The following ARHGEF18 variants were observed in gnomAD, a reference collection of about 807,000 sequenced individuals.
The protein encoded by ARHGEF18 is Rho/Rac guanine nucleotide exchange factor 18.
In ARHGEF18, 93 loss-of-function variants were observed where a neutral mutation model predicts 155.7. The observed-to-expected ratio is 0.60, with a 90% CI of 0.50 to 0.71. The LOEUF is 0.71. ARHGEF18 is among the 30% of genes least tolerant of loss of function. The probability of loss-of-function intolerance (pLI) is 0.00; values close to 1 mark genes in which losing one functional copy is unlikely to be tolerated. For missense variants in ARHGEF18, 1,593 were observed against 1,816.1 expected, an observed-to-expected ratio of 0.88 and a Z score of 2.23; for synonymous variants, 742 against 753.1, an observed-to-expected ratio of 0.99 and a Z score of 0.24.
Position 7,451,178 on chromosome 19 carries a change from G to C in ARHGEF18, c.1767G>C (p.Arg589=). The C allele has an allele frequency of 3.9e-6, 6 of 1,551,510 alleles. No homozygotes were observed. Among genetic ancestry groups the C allele is most frequent in the South Asian group, 1.1e-5 (1 of 89,150 alleles). ...TTGGCAACTTCTCCATCGTGCGGCG[G>C]CTTGGCGTGCAGGAGTGCATTCTCC... The part of the protein sequence containing the change: ...KKIGNFSIVR[R]LGVQECILLV... The change falls in exon 16 of 29, where the codon CGG becomes CGC. Residue 589 remains arginine (R), a synonymous_variant. Coordinates refer to ENST00000668164, the MANE Select transcript of ARHGEF18 (RefSeq NM_001367823.1).
intron 10 of ARHGEF18, among the ~76,000 whole-genome samples, chr19:7,438,350 C>G (rs893109174): frequency 6.6e-6 from 1 of 151,744 alleles, no homozygotes; most frequent in Admixed American, 6.6e-5. Context: ...ATCCTTCCAC[C>G]TCTACCTCCC....
At chr19:7,414,306 A>T (rs1490264322) in intron 10 of ARHGEF18, among the ~76,000 whole-genome samples, 1 of 152,178 alleles carries the variant, frequency 6.6e-6, no homozygotes, top group Non-Finnish European at 1.5e-5. Flanking sequence ...CAGGATGGGG[A>T]AATAGAACCT....
chr19:7,398,704 A>AATAAAG (rs112794982), intron 10 of ARHGEF18, among the ~76,000 whole-genome samples: 4,615 of 146,740 alleles, frequency 0.031, 86 homozygotes, highest in East Asian at 0.086. Flanking sequence ...AAAAAAAAAA[A>AATAAAG]AAATAAAGAA....
At chr19:7,451,361 A>G in intron 16 of ARHGEF18, 95 bp downstream of exon 16, 1 of 1,033,820 alleles carries the variant, frequency 9.7e-7, no homozygotes. Flanking sequence ...AAACTGAATA[A>G]ATTCCCTTTG....
intron 10 of ARHGEF18, among the ~76,000 whole-genome samples, chr19:7,437,649 T>TTTTTTTTTC (rs1568333185): frequency 6.9e-6 from 1 of 144,214 alleles, no homozygotes; most frequent in Non-Finnish European, 1.5e-5. Flanking sequence ...CTTTTTTTTT[T>TTTTTTTTTC]CTTTTTTTTT....
chr19:7,378,445 A>C lies in ARHGEF18; in HGVS notation c.593A>C (p.Asp198Ala). ...ECMEKDHVEP[D>A]HVLIVQQVLQ... is the part of the protein sequence containing the mutation. ...ATGGAAAAAGACCATGTGGAACCAG[A>C]TCACGTGTGAGTTTCTGCCTCGTGG... is the stretch of plus-strand genomic sequence containing the variant. The change falls in exon 6 of 29, where the codon GAT (aspartate) becomes GCT (alanine). Residue 198 changes from aspartate (D) to alanine (A), a missense_variant. Asp to Ala is a moderately radical substitution (Grantham distance 126). Coordinates refer to ENST00000668164, the MANE Select transcript of ARHGEF18 (RefSeq NM_001367823.1). 1 of 1,234,300 alleles carries C rather than the reference A, an allele frequency of 8.1e-7. No homozygotes were observed. 76.5% of individuals were successfully genotyped at this position (1,234,300 alleles called of 1,614,324 possible). A position where few individuals can be genotyped will look rare whatever the true frequency, so the allele number is the denominator to read the frequency against.
intron 20 of ARHGEF18, among the ~76,000 whole-genome samples, chr19:7,460,449 G>A (rs761038054): frequency 6.6e-6 from 1 of 152,044 alleles, no homozygotes; most frequent in Non-Finnish European, 1.5e-5. Context: ...GGGGTTCAGG[G>A]GCATTTCAGT....
chr19:7,447,195 A>G, intron 15 of ARHGEF18, 27 bp downstream of exon 15: 2 of 1,583,620 alleles, frequency 1.3e-6, no homozygotes, highest in South Asian at 1.1e-5. Context: ...TTTTTAATCA[A>G]AAACTTATAT....
chr19:7,414,254 CT>C (rs34730673), intron 10 of ARHGEF18, among the ~76,000 whole-genome samples: 83,944 of 151,854 alleles, frequency 0.55, 23,619 homozygotes, highest in Middle Eastern at 0.75. Flanking sequence ...AGAATCACCC[CT>C]GGTAGAGAAT....
Position 7,395,183 on chromosome 19 carries a change from T to C in ARHGEF18, c.967+11980T>C, listed in dbSNP as rs1390143949. ...GATCTGGGGGGGCCGGACGGAGGCA[T>C]CGGAGGCGGCTGCGAGAGTGGCAGA... On this transcript the variant is annotated intron_variant, in intron 10 of 28. Coordinates refer to ENST00000668164, the MANE Select transcript of ARHGEF18 (RefSeq NM_001367823.1). This position sits in a 1 kb window ranked among gnomAD's most constrained non-coding sequence, Gnocchi z 5.0. 1 of 986,062 alleles carries C rather than the reference T, an allele frequency of 1.0e-6. No homozygotes were observed. Among genetic ancestry groups the C allele is most frequent in the Non-Finnish European group, 1.2e-6 (1 of 830,586 alleles). 61.1% of individuals were successfully genotyped at this position (986,062 alleles called of 1,614,324 possible).
chr19:7,421,420 C>A (rs1000775474), intron 10 of ARHGEF18, among the ~76,000 whole-genome samples: 15 of 152,044 alleles, frequency 9.9e-5, no homozygotes, highest in African/African-American at 2.9e-4. Context: ...ACAACTGTAC[C>A]CCCCTCTTCT....
At chr19:7,362,932 AG>A (rs1202809211) in intron 2 of ARHGEF18, 27 bp downstream of exon 2, 1 of 1,234,382 alleles carries the variant, frequency 8.1e-7, no homozygotes, top group Non-Finnish European at 1.0e-6. Flanking sequence ...TGAAACGGGC[AG>A]GAGCTGATGA....
intron 16 of ARHGEF18, among the ~76,000 whole-genome samples, chr19:7,452,694 G>A (rs1040100759): frequency 1.3e-5 from 2 of 151,610 alleles, no homozygotes; most frequent in Non-Finnish European, 2.9e-5. Flanking sequence ...TTGAACTCCC[G>A]ACCTCAGGTG....
rs530536126 is a variant in ARHGEF18 at position 7,470,707 on chromosome 19, G to A, written c.*409G>A. 1 of 399,200 alleles carries A rather than the reference G, an allele frequency of 2.5e-6. No homozygotes were observed. Among genetic ancestry groups the A allele is most frequent in the Non-Finnish European group, 4.4e-6 (1 of 225,326 alleles). The allele number at this position is 399,200 out of a possible 1,614,324, so 24.7% of individuals were successfully genotyped here. A position where few individuals can be genotyped will look rare whatever the true frequency, so the allele number is the denominator to read the frequency against. ...ACAGGACAGACCTTGCTTTGAGAAG[G>A]AGCTGCCGGCCGGGGCCACGCTCCA... On this transcript the variant is annotated 3_prime_UTR_variant, in exon 29 of 29. Coordinates refer to ENST00000668164, the MANE Select transcript of ARHGEF18 (RefSeq NM_001367823.1). This position sits in a 1 kb window ranked among gnomAD's most constrained non-coding sequence, Gnocchi z 5.9.
At position 7,467,521 on chromosome 19, in the gene ARHGEF18, G is replaced by A. The variant is rs1024456250; in HGVS notation, c.3317G>A (p.Arg1106Gln). ...CTACGCGAGCGGCTGGAGCAGGAGC[G>A]GGCCGAGCTGGAGCGCCAGCGCCAG... ...RQLRERLEQE[R>Q]AELERQRQAY... Residue 1106 changes from arginine (R) to glutamine (Q), a missense_variant, in exon 26 of 29, where the codon CGG (arginine) becomes CAG (glutamine). By Grantham distance (43) the Arg-to-Gln change is conservative. Transcript: ENST00000668164. 13 of 1,433,752 alleles carry A rather than the reference G, an allele frequency of 9.1e-6. No homozygotes were observed. Among genetic ancestry groups the A allele is most frequent in the African/African-American group, 9.1e-5 (6 of 66,224 alleles). The allele number at this position is 1,433,752 out of a possible 1,614,324, so 88.8% of individuals were successfully genotyped here. A position where few individuals can be genotyped will look rare whatever the true frequency, so the allele number is the denominator to read the frequency against.
intron 10 of ARHGEF18, among the ~76,000 whole-genome samples, chr19:7,393,447 G>A (rs76190385): frequency 0.029 from 4,381 of 152,218 alleles, 106 homozygotes; most frequent in South Asian, 0.078. Context: ...GGACTCAAGT[G>A]ATCCTCCCTC....
At position 7,469,065 on chromosome 19, in the gene ARHGEF18, G is replaced by A; in HGVS notation, c.3721G>A (p.Ala1241Thr). ...VQQQIPTKLAASTKGGKDKGG... is the reference protein window; with the variant it reads ...VQQQIPTKLATSTKGGKDKGG... ...GCAGCAGATCCCCACCAAGCTGGCG[G>A]CCTCCACCAAGGGTGGCAAGGACAA... is the stretch of plus-strand genomic sequence containing the variant. The change falls in exon 27 of 29, where the codon GCC becomes ACC. Residue 1241 changes from alanine (A) to threonine (T), a missense_variant. Physicochemically the swap from Ala to Thr is moderately conservative, Grantham distance 58 (BLOSUM62 0). Transcript: ENST00000668164. 1 of 1,608,708 alleles carries A rather than the reference G, an allele frequency of 6.2e-7. No homozygotes were observed. Among genetic ancestry groups the A allele is most frequent in the Non-Finnish European group, 8.5e-7 (1 of 1,178,476 alleles).
chr19:7,373,926 A>AT (rs1239459907), intron 3 of ARHGEF18, among the ~76,000 whole-genome samples: 3 of 149,044 alleles, frequency 2.0e-5, no homozygotes, highest in Admixed American at 2.0e-4. Context: ...CACCCGGCTA[A>AT]TTTTTTGTAT....
At chr19:7,399,472 TG>T (rs963979053) in intron 10 of ARHGEF18, among the ~76,000 whole-genome samples, 3 of 151,840 alleles carry the variant, frequency 2.0e-5, no homozygotes, top group South Asian at 4.2e-4. Context: ...GATACACTAA[TG>T]TTTTTTTTTC....
Sources: allele counts gnomAD v4.1 joint callset (sites outside exome capture counted in the v4.1 genomes callset), GRCh38; gene constraint gnomAD v4.1.1; non-coding constraint Gnocchi (gnomAD v3.1); transcripts MANE v1.5; gene names NCBI Gene and HGNC (gene_info 2026-07-23, HGNC 2026-07-21).